SAMSN1: variants seen among roughly 807,000 people sequenced by gnomAD.
SAMSN1 encodes SAM domain-containing protein SAMSN-1.
In SAMSN1, 31 loss-of-function variants were observed where a neutral mutation model predicts 42.0. The ratio of observed to expected loss-of-function variants is 0.74; its 90% CI spans 0.55 to 1.00. SAMSN1 has a LOEUF of 1.00. Among genes scored for constraint, SAMSN1 ranks in the 50% least tolerant of loss-of-function variants. SAMSN1 has a pLI of 0.00. For missense variants in SAMSN1, 464 were observed against 439.4 expected, an observed-to-expected ratio of 1.06 and a Z score of -0.50; for synonymous variants, 178 against 151.9, an observed-to-expected ratio of 1.17 and a Z score of -1.26.
intron 5 of SAMSN1, chr21:14,609,440 T>A (rs1375430499): frequency 2.8e-6 from 2 of 717,132 alleles, no homozygotes; most frequent in East Asian, 5.4e-5. Flanking sequence ...TTAAACTACT[T>A]TGGGAAAATG....
intron 2 of SAMSN1, among the ~76,000 whole-genome samples, chr21:14,572,762 T>C (rs1235063546): frequency 2.6e-5 from 4 of 152,172 alleles, no homozygotes; most frequent in Admixed American, 2.0e-4. Flanking sequence ...TGTCATTTCA[T>C]ACTGCAAGCT....
At chr21:14,539,775 C>A (rs1979881257) in intron 1 of SAMSN1, among the ~76,000 whole-genome samples, 1 of 152,132 alleles carries the variant, frequency 6.6e-6, no homozygotes, top group Non-Finnish European at 1.5e-5. Context: ...ACTTACTCCA[C>A]AGAATCGGAA....
intron 2 of SAMSN1, among the ~76,000 whole-genome samples, chr21:14,626,522 T>G (rs1292597): frequency 0.17 from 25,877 of 151,898 alleles, 2,829 homozygotes; most frequent in African/African-American, 0.32. Context: ...AAAAGACACA[T>G]GAAAAAATGC....
rs182347804 is a variant in SAMSN1, at chr21:14,551,624, C to A, written c.262-30403G>T. 1.6e-4 allele frequency among the ~76,000 whole-genome samples: 25 copies of A among 152,014 alleles called. 1 individual carries two copies. Among genetic ancestry groups the A allele is most frequent in the African/African-American group, 6.0e-4 (25 of 41,484 alleles). On this transcript the variant is annotated intron_variant, in intron 2 of 8. Transcript: ENST00000285670. ...ATAACAAATAATGATAAAATTTAATCCATTTATGATTAAAAGTTGTAATTT... is the reference window on the plus strand; with the variant it reads ...ATAACAAATAATGATAAAATTTAATACATTTATGATTAAAAGTTGTAATTT...
intron 5 of SAMSN1, among the ~76,000 whole-genome samples, chr21:14,508,414 T>G (rs1428593985): frequency 2.0e-5 from 3 of 151,948 alleles, no homozygotes; most frequent in Non-Finnish European, 4.4e-5. Flanking sequence ...TAGACAATTC[T>G]CAAAAGAAGA....
At chr21:14,546,930 C>G (rs144693042), upstream of SAMSN1, among the ~76,000 whole-genome samples, 618 of 152,036 alleles carry the variant, frequency 4.1e-3, 5 homozygotes, top group African/African-American at 0.014. Context: ...AAGATGGTCT[C>G]GATCTCCTGA....
At chr21:14,503,021 C>A (rs8129951) in intron 5 of SAMSN1, among the ~76,000 whole-genome samples, 4 of 152,020 alleles carry the variant, frequency 2.6e-5, no homozygotes, top group Non-Finnish European at 4.4e-5. Context: ...ATTCTTTTAG[C>A]GCAAAACCTT....
upstream of SAMSN1, chr21:14,658,894 TG>T (rs1983956873): frequency 3.0e-6 from 2 of 662,796 alleles, no homozygotes; most frequent in African/African-American, 3.6e-5. Context: ...GTAAAATCCC[TG>T]CCATAATCCA....
chr21:14,515,268 A>T (rs1323595255), intron 3 of SAMSN1, among the ~76,000 whole-genome samples: 2 of 152,226 alleles, frequency 1.3e-5, no homozygotes, highest in Non-Finnish European at 2.9e-5. Context: ...AATGGACATA[A>T]GACATAAAAA....
intron 2 of SAMSN1, among the ~76,000 whole-genome samples, chr21:14,565,785 T>C (rs539729999): frequency 3.1e-4 from 47 of 152,098 alleles, no homozygotes; most frequent in Admixed American, 1.2e-3. Context: ...TACATAAACT[T>C]CTCAACATCA....
upstream of SAMSN1, among the ~76,000 whole-genome samples, chr21:14,550,283 T>A (rs769721865): frequency 1.3e-5 from 2 of 152,084 alleles, no homozygotes; most frequent in African/African-American, 4.8e-5. Context: ...AGTTCCTGTT[T>A]ACTAATTCCT....
chr21:14,556,956 C>G (rs1980780526), intron 2 of SAMSN1, among the ~76,000 whole-genome samples: 1 of 152,158 alleles, frequency 6.6e-6, no homozygotes, highest in Non-Finnish European at 1.5e-5. Flanking sequence ...AACACCCTCT[C>G]CAACCAAAAT....
chr21:14,560,592 T>C (rs558246429), intron 2 of SAMSN1, among the ~76,000 whole-genome samples: 86 of 152,344 alleles, frequency 5.6e-4, no homozygotes, highest in Admixed American at 9.8e-4. Flanking sequence ...GTCTGTTTCA[T>C]AGACAAGAAA....
At chr21:14,599,310 C>G (rs1476407594) in intron 6 of SAMSN1, among the ~76,000 whole-genome samples, 3 of 152,102 alleles carry the variant, frequency 2.0e-5, no homozygotes, top group African/African-American at 4.8e-5. Flanking sequence ...ATGAGTGACT[C>G]TCATGAGATC....
chr21:14,494,896 G>A (rs774395205), intron 7 of SAMSN1, among the ~76,000 whole-genome samples: 3 of 152,100 alleles, frequency 2.0e-5, no homozygotes, highest in African/African-American at 7.2e-5. Context: ...CATAGGACTT[G>A]TCTTTTCTAC....
chr21:14,590,565 G>A (rs537112338), intron 7 of SAMSN1, among the ~76,000 whole-genome samples: 1 of 149,744 alleles, frequency 6.7e-6, no homozygotes, highest in Non-Finnish European at 1.5e-5. Context: ...TTACAGGCGT[G>A]AGCCATCACA....
At chr21:14,510,751 G>A (rs1987655245) in intron 4 of SAMSN1, among the ~76,000 whole-genome samples, 1 of 152,188 alleles carries the variant, frequency 6.6e-6, no homozygotes, top group African/African-American at 2.4e-5. Flanking sequence ...AATGTACTAA[G>A]TATTGGTCAC....
Position 14,612,050 on chromosome 21 carries a change from C to CAG in SAMSN1, c.235+824_235+825dup, listed in dbSNP as rs565072741. On this transcript the variant is annotated intron_variant, in intron 4 of 15. Coordinates refer to the SAMSN1 transcript ENST00000647101. ...GAGATCGAGACCATCCTGGCCAACA[C>CAG]AGTGAAACCTGTCTCTACTAAAAAT... Among the ~76,000 whole-genome samples, 27 of 152,202 alleles carry CAG rather than the reference C, an allele frequency of 1.8e-4. No homozygotes were observed. In the East Asian group the frequency reaches 4.8e-3, roughly 27 times the overall value.
chr21:14,652,980 A>G (rs1983860255), intron 1 of SAMSN1, among the ~76,000 whole-genome samples: 1 of 152,110 alleles, frequency 6.6e-6, no homozygotes, highest in Admixed American at 6.6e-5. Context: ...CAAAACTACA[A>G]TGAGATGTTA....
Sources: gnomAD v4.1 joint callset for allele counts (sites outside exome capture counted in the v4.1 genomes callset) on GRCh38, gnomAD v4.1.1 for gene constraint, MANE v1.5 for transcripts, NCBI Gene and HGNC (gene_info 2026-07-23, HGNC 2026-07-21) for gene names.